Variants in ATF2 observed in about 807,000 individuals in gnomAD.
ATF2 encodes activating transcription factor 2, also known as cyclic AMP-dependent transcription factor ATF-2.
A neutral mutation model predicts 60.6 loss-of-function variants in ATF2; 24 were observed. The ratio of observed to expected loss-of-function variants is 0.40; its 90% CI spans 0.29 to 0.56. The LOEUF is 0.56. ATF2 is among the 20% of genes least tolerant of loss of function. ATF2 has a pLI of 0.54. For synonymous variants in ATF2, 206 were observed against 215.4 expected, an observed-to-expected ratio of 0.96 and a Z score of 0.38; for missense variants, 433 against 607.7, an observed-to-expected ratio of 0.71 and a Z score of 3.02.
chr2:175,121,667 T>C (rs1315824907), intron 4 of ATF2, 127 bp from the exon 5 acceptor site: 3 of 638,840 alleles, frequency 4.7e-6, no homozygotes, highest in South Asian at 2.3e-5. Flanking sequence ...TTTTAAACTA[T>C]AAAAGAATCC....
At chr2:175,167,702 AC>A (rs767692823) in intron 1 of ATF2, 2 of 499,298 alleles carry the variant, frequency 4.0e-6, no homozygotes, top group South Asian at 3.0e-5. Flanking sequence ...CTCTGAACTG[AC>A]CCAAGTAGGG....
At chr2:175,108,989 T>C (rs1054284668) in intron 10 of ATF2, among the ~76,000 whole-genome samples, 1 of 151,492 alleles carries the variant, frequency 6.6e-6, no homozygotes, top group East Asian at 1.9e-4. Context: ...TCGTTAAGAG[T>C]CATCACCACT....
At chr2:175,159,734 G>A (rs530143148) in intron 1 of ATF2, among the ~76,000 whole-genome samples, 1 of 152,130 alleles carries the variant, frequency 6.6e-6, no homozygotes, top group East Asian at 1.9e-4. Flanking sequence ...GCAATGTAAA[G>A]AAAGCAAGTA....
chr2:175,099,984 C>T (rs972460034), intron 10 of ATF2, among the ~76,000 whole-genome samples: 1 of 152,214 alleles, frequency 6.6e-6, no homozygotes, highest in Non-Finnish European at 1.5e-5. Context: ...AAGCCAGGAT[C>T]TGGCATGTTT....
chr2:175,138,251 T>C (rs540300588), intron 2 of ATF2, among the ~76,000 whole-genome samples: 2 of 152,306 alleles, frequency 1.3e-5, no homozygotes, highest in South Asian at 4.1e-4. Flanking sequence ...TGCTCTTGAG[T>C]TTCCATTTTG....
chr2:175,089,054 CCTGTAAT>C (rs1694364353), intron 12 of ATF2, among the ~76,000 whole-genome samples: 1 of 152,020 alleles, frequency 6.6e-6, no homozygotes, highest in African/African-American at 2.4e-5. Flanking sequence ...GTGGCGCATG[CCTGTAAT>C]CCCAGCTACT....
intron 2 of ATF2, among the ~76,000 whole-genome samples, chr2:175,149,507 A>G (rs1699168326): frequency 6.6e-6 from 1 of 152,244 alleles, no homozygotes; most frequent in Admixed American, 6.5e-5. Context: ...CACACTATGC[A>G]TAAGAAAACT....
intron 4 of ATF2, among the ~76,000 whole-genome samples, chr2:175,124,005 T>C (rs1697146131): frequency 6.6e-6 from 1 of 152,034 alleles, no homozygotes. Flanking sequence ...ATGAAAGAAA[T>C]GCATTCTTTA....
chr2:175,111,113 A>T (rs1191978429), intron 10 of ATF2, among the ~76,000 whole-genome samples: 2 of 152,208 alleles, frequency 1.3e-5, no homozygotes, highest in African/African-American at 4.8e-5. Flanking sequence ...TAAAATACAC[A>T]TCTAAACATT....
At chr2:175,096,523 T>C (rs929134097) in intron 11 of ATF2, among the ~76,000 whole-genome samples, 7 of 152,190 alleles carry the variant, frequency 4.6e-5, no homozygotes, top group Non-Finnish European at 7.4e-5. Flanking sequence ...CAAAGAGTAA[T>C]GTTTTACAAT....
chr2:175,106,653 T>A (rs1205400), intron 10 of ATF2, among the ~76,000 whole-genome samples: 14,250 of 151,546 alleles, frequency 0.094, 722 homozygotes, highest in Middle Eastern at 0.17. Context: ...CTGGCCAACA[T>A]GGTGAAACCC....
At chr2:175,155,111 T>C (rs1328869769) in intron 1 of ATF2, among the ~76,000 whole-genome samples, 1 of 152,180 alleles carries the variant, frequency 6.6e-6, no homozygotes, top group East Asian at 1.9e-4. Context: ...CAAGGGATAC[T>C]TGAGCAAGAC....
chr2:175,134,188 A>C (rs1364413585), intron 3 of ATF2, among the ~76,000 whole-genome samples: 1 of 152,208 alleles, frequency 6.6e-6, no homozygotes, highest in Non-Finnish European at 1.5e-5. Flanking sequence ...AATATAGTGT[A>C]ACAACTATTC....
intron 10 of ATF2, among the ~76,000 whole-genome samples, chr2:175,100,231 G>A (rs1695216884): frequency 6.6e-6 from 1 of 152,188 alleles, no homozygotes; most frequent in Admixed American, 6.5e-5. Context: ...CTTCCTTGCA[G>A]AGTTGAATTG....
intron 2 of ATF2, among the ~76,000 whole-genome samples, chr2:175,150,020 A>T (rs190700817): frequency 6.6e-6 from 1 of 152,266 alleles, no homozygotes. Flanking sequence ...TCCTGACCTA[A>T]TGGAGCTTAT....
chr2:175,120,631 A>G (rs1488919844), intron 5 of ATF2, among the ~76,000 whole-genome samples: 1 of 151,750 alleles, frequency 6.6e-6, no homozygotes, highest in Admixed American at 6.6e-5. Context: ...AGAGAAAAGA[A>G]AAATCTGGAG....
At position 175,140,461 on chromosome 2, in the gene ATF2, A is replaced by T. The variant is rs561306825; in HGVS notation, c.-43-3975T>A. ...AAACCACAGCGACAGAAAGCAGATC[A>T]CTGGTTGCTGAGGGACAGGAGTAGA... On this transcript the variant is annotated intron_variant, in intron 2 of 13. Transcript: ENST00000264110. Among the ~76,000 whole-genome samples, 7 of 152,296 alleles carry T rather than the reference A, an allele frequency of 4.6e-5. No homozygotes were observed. In the East Asian group the frequency reaches 1.4e-3, roughly 29 times the overall value.
chr2:175,117,931 G>C, intron 7 of ATF2, 59 bp downstream of exon 7: 2 of 1,491,050 alleles, frequency 1.3e-6, no homozygotes, highest in Non-Finnish European at 1.8e-6. Flanking sequence ...AGATTAAATA[G>C]TAAACTTTAT....
In ATF2 at chr2:175,148,469, T is replaced by G. The variant is rs148057543; in HGVS notation, c.-44+2591A>C. Among the ~76,000 whole-genome samples, 97 of 152,078 alleles carry G rather than the reference T, an allele frequency of 6.4e-4. 1 individual carries two copies. Among genetic ancestry groups the G allele is most frequent in the Middle Eastern group, 3.4e-3 (1 of 294 alleles). ...GAAGTGTGGGACTGTAAACCAAAAA[T>G]AAAATTCTAAGCCCCCCAACCAACA... On this transcript the variant is annotated intron_variant, in intron 2 of 13. Coordinates refer to ENST00000264110, the MANE Select transcript of ATF2 (RefSeq NM_001880.4).
Sources: allele counts gnomAD v4.1 joint callset (sites outside exome capture counted in the v4.1 genomes callset), GRCh38; gene constraint gnomAD v4.1.1; transcripts MANE v1.5; gene names NCBI Gene and HGNC (gene_info 2026-07-23, HGNC 2026-07-21).